Variants in PGS1 observed in about 807,000 individuals in gnomAD.
PGS1 encodes phosphatidylglycerophosphate synthase 1.
Under a neutral mutation model 58.3 loss-of-function variants are expected in PGS1, and 44 were observed. The ratio of observed to expected loss-of-function variants is 0.75; its 90% CI spans 0.59 to 0.97. The LOEUF is 0.97. PGS1 is among the 50% of genes least tolerant of loss of function. The pLI is 0.00. For synonymous variants in PGS1, 330 were observed against 311.0 expected (o/e 1.06, Z -0.64); for missense variants, 684 against 731.1 (o/e 0.94, Z 0.74).
In PGS1 at chr17:78,415,041, A is replaced by G. The variant is rs778544678; in HGVS notation, c.1551+14A>G. ...CAGCTTCACCAGGTTGGTCGCAGCA[A>G]GTGGGATTTCCCAGGGCGCTGAGGG... On this transcript the variant is annotated intron_variant, in intron 8 of 9. Transcript: ENST00000262764. The G allele has an allele frequency of 1.2e-6, 2 of 1,609,140 alleles. No individual in the cohort carries two copies. The highest frequency in any genetic ancestry group is 2.2e-5 in the South Asian group (2 of 90,782).
At chr17:78,422,079 CT>C (rs1176579272) in intron 9 of PGS1, among the ~76,000 whole-genome samples, 2 of 152,210 alleles carry the variant, frequency 1.3e-5, no homozygotes, top group African/African-American at 4.8e-5. Flanking sequence ...AGATTACTTT[CT>C]TATTTCAGGA....
chr17:78,418,079 G>A (rs2085358557), intron 8 of PGS1, among the ~76,000 whole-genome samples: 2 of 151,626 alleles, frequency 1.3e-5, no homozygotes, highest in Admixed American at 1.3e-4. Flanking sequence ...ATGGGTGCAT[G>A]CCATCACGCC....
At chr17:78,386,775 A>G (rs1031945476) in intron 1 of PGS1, among the ~76,000 whole-genome samples, 5 of 152,092 alleles carry the variant, frequency 3.3e-5, no homozygotes, top group Non-Finnish European at 7.4e-5. Context: ...CATGGGGATA[A>G]ACCTTTTCTG....
At chr17:78,417,043 A>G (rs556766595) in intron 8 of PGS1, among the ~76,000 whole-genome samples, 3 of 152,230 alleles carry the variant, frequency 2.0e-5, no homozygotes, top group African/African-American at 7.2e-5. Context: ...CAGAATCTGA[A>G]GCCCCTCCCT....
chr17:78,406,027 C>T (rs1353755676), intron 7 of PGS1, among the ~76,000 whole-genome samples: 2 of 151,260 alleles, frequency 1.3e-5, no homozygotes, highest in East Asian at 3.9e-4. Flanking sequence ...GTAAGAAATA[C>T]TGAAGCCGGC....
intron 1 of PGS1, 69 bp downstream of exon 1, chr17:78,378,877 C>T: frequency 1.5e-6 from 2 of 1,340,532 alleles, no homozygotes; most frequent in Non-Finnish European, 1.9e-6. Context: ...CGCTCAAACT[C>T]CCGGCCCCAG....
At chr17:78,419,755 A>C in intron 9 of PGS1, 80 bp downstream of exon 9, 1 of 1,585,332 alleles carries the variant, frequency 6.3e-7, no homozygotes, top group Non-Finnish European at 8.6e-7. Flanking sequence ...TGACTCAACC[A>C]GAGCTTCCAG....
At chr17:78,411,396 C>T (rs1189551419) in intron 7 of PGS1, among the ~76,000 whole-genome samples, 1 of 152,158 alleles carries the variant, frequency 6.6e-6, no homozygotes, top group African/African-American at 2.4e-5. Flanking sequence ...AGAGGAGGCC[C>T]AGAGCTGGGA....
At chr17:78,386,219 T>C (rs2082374649) in intron 1 of PGS1, among the ~76,000 whole-genome samples, 2 of 152,100 alleles carry the variant, frequency 1.3e-5, no homozygotes, top group Non-Finnish European at 2.9e-5. Context: ...ACCTTTAGAG[T>C]GGCAGGCTGA....
intron 2 of PGS1, 62 bp downstream of exon 2, chr17:78,392,727 TC>T: frequency 7.7e-7 from 1 of 1,295,128 alleles, no homozygotes; most frequent in Non-Finnish European, 1.1e-6. Flanking sequence ...GGTTGGTGAG[TC>T]CTGAGTGCTT....
At chr17:78,380,613 A>G (rs1215558227) in intron 1 of PGS1, among the ~76,000 whole-genome samples, 1 of 152,234 alleles carries the variant, frequency 6.6e-6, no homozygotes, top group Non-Finnish European at 1.5e-5. Context: ...GATGACTTCT[A>G]CGTCCTGGCA....
At chr17:78,403,457 C>T in intron 6 of PGS1, 111 bp from the exon 7 acceptor site, 1 of 1,132,284 alleles carries the variant, frequency 8.8e-7, no homozygotes, top group Non-Finnish European at 1.3e-6. Flanking sequence ...GTTCAGTGAA[C>T]ATCCAGTTGT....
Position 78,398,593 on chromosome 17 carries a change from C to G in PGS1, c.511+242C>G, listed in dbSNP as rs550907620. Among the ~76,000 whole-genome samples, 1 of 152,176 alleles carries G rather than the reference C, an allele frequency of 6.6e-6. No individual in the cohort carries two copies. Among genetic ancestry groups the G allele is most frequent in the Non-Finnish European group, 1.5e-5 (1 of 68,044 alleles). ...GTGGCATGCCCTGTAGTCCCACTTG[C>G]GTGGGAGGCTGAGGTGGGAGGATTG... On this transcript the variant is annotated intron_variant, in intron 4 of 9. Transcript: ENST00000262764.
chr17:78,422,333 C>T lies in PGS1; in HGVS notation c.*11-1728C>T, dbSNP rs571010145. On this transcript the variant is annotated intron_variant, in intron 9 of 9. Coordinates refer to ENST00000262764, the MANE Select transcript of PGS1 (RefSeq NM_024419.5). ...GAGGGGAGGATTTTTCTTTTCCCTC[C>T]GATAGCCCTACTGGGCGCTAAGATT... 2.0e-4 allele frequency among the ~76,000 whole-genome samples: 31 copies of T among 152,226 alleles called. No individual in the cohort carries two copies. The South Asian group carries it at 2.5e-3, about 12-fold the overall frequency.
At chr17:78,389,187 G>A (rs1204288363) in intron 1 of PGS1, among the ~76,000 whole-genome samples, 3 of 150,408 alleles carry the variant, frequency 2.0e-5, no homozygotes, top group East Asian at 2.0e-4. Flanking sequence ...AGCCACGGGC[G>A]GCTAATTTTT....
At chr17:78,384,300 T>A (rs897058026) in intron 1 of PGS1, among the ~76,000 whole-genome samples, 3 of 152,128 alleles carry the variant, frequency 2.0e-5, no homozygotes, top group Admixed American at 6.5e-5. Context: ...CGGGGTTAGG[T>A]CTTGCATTAG....
intron 5 of PGS1, chr17:78,399,944 T>A: frequency 4.0e-6 from 1 of 251,730 alleles, no homozygotes; most frequent in South Asian, 4.7e-5. Flanking sequence ...ATGGGCCCTT[T>A]CACAGGCCCT....
intron 7 of PGS1, among the ~76,000 whole-genome samples, chr17:78,412,957 A>AG (rs1025927983): frequency 4.5e-5 from 4 of 89,358 alleles, no homozygotes; most frequent in Non-Finnish European, 9.2e-5. Context: ...AGGGGGTGGG[A>AG]GGGGGGCTCT....
At chr17:78,404,198 C>T (rs2146236862) in intron 7 of PGS1, 109 bp downstream of exon 7, 2 of 1,228,732 alleles carry the variant, frequency 1.6e-6, no homozygotes, top group Non-Finnish European at 2.2e-6. Flanking sequence ...TTCTCCCTTC[C>T]TACCTTCCCA....
Sources: gnomAD v4.1 joint callset for allele counts (sites outside exome capture counted in the v4.1 genomes callset) on GRCh38, gnomAD v4.1.1 for gene constraint, MANE v1.5 for transcripts, NCBI Gene and HGNC (gene_info 2026-07-23, HGNC 2026-07-21) for gene names.